DNAJC6: variants seen among roughly 807,000 people sequenced by gnomAD.
DNAJC6 encodes DnaJ heat shock protein family (Hsp40) member C6.
Under a neutral mutation model 110.0 loss-of-function variants are expected in DNAJC6, and 34 were observed. The ratio of observed to expected loss-of-function variants is 0.31; its 90% CI spans 0.24 to 0.41. DNAJC6 has a LOEUF of 0.41. DNAJC6 is among the 10% of genes least tolerant of loss of function. The pLI is 1.00. For synonymous variants in DNAJC6, 406 were observed against 437.2 expected (o/e 0.93, Z 0.89); for missense variants, 1,031 against 1,207.8 (o/e 0.85, Z 2.17).
chr1:65,408,795 C>T lies in DNAJC6; in HGVS notation c.2634+12C>T. On this transcript the variant is annotated intron_variant, in intron 17 of 18. Transcript: ENST00000371069. ...CTGAGAAATTAAAGGTGAGTGAGGC[C>T]CCTGACGCAGCTTGATTATCCTATA... 6.2e-7 allele frequency: 1 copy of T among 1,610,630 alleles called. No homozygotes were observed. Among genetic ancestry groups the T allele is most frequent in the Non-Finnish European group, 8.5e-7 (1 of 1,179,064 alleles).
chr1:65,284,766 G>A (rs1463650047), intron 1 of DNAJC6, among the ~76,000 whole-genome samples: 1 of 151,254 alleles, frequency 6.6e-6, no homozygotes, highest in Admixed American at 6.6e-5. Flanking sequence ...TCGGCTCACT[G>A]CAACCTCTGC....
At chr1:65,336,362 T>C (rs1645337044) in intron 1 of DNAJC6, among the ~76,000 whole-genome samples, 1 of 152,002 alleles carries the variant, frequency 6.6e-6, no homozygotes, top group African/African-American at 2.4e-5. Flanking sequence ...CCACAACACA[T>C]GGGGATTATC....
chr1:65,344,720 G>A lies in DNAJC6; in HGVS notation c.194-19915G>A, dbSNP rs559748110. Among the ~76,000 whole-genome samples the A allele has an allele frequency of 1.8e-3, 267 of 152,198 alleles. 3 individuals carry two copies. The highest frequency in any genetic ancestry group is 5.7e-3 in the African/African-American group (238 of 41,538). On this transcript the variant is annotated intron_variant, in intron 1 of 18. Coordinates refer to ENST00000371069, the MANE Select transcript of DNAJC6 (RefSeq NM_001256864.2). ...GATTTCCACTGTCATGATTTACAGC[G>A]AAATCCAGCCAATCTTGTCAGGATT...
At chr1:65,276,162 G>C (rs1183374580) in intron 1 of DNAJC6, among the ~76,000 whole-genome samples, 1 of 152,172 alleles carries the variant, frequency 6.6e-6, no homozygotes, top group African/African-American at 2.4e-5. Flanking sequence ...GATTATAGGC[G>C]TGGGCCACCG....
chr1:65,278,565 C>G (rs956589088), intron 1 of DNAJC6, among the ~76,000 whole-genome samples: 1 of 152,158 alleles, frequency 6.6e-6, no homozygotes, highest in African/African-American at 2.4e-5. Flanking sequence ...GTTTTTAAAC[C>G]AGTTTGTGAA....
intron 1 of DNAJC6, among the ~76,000 whole-genome samples, chr1:65,356,082 C>G (rs1209953319): frequency 6.6e-6 from 1 of 152,028 alleles, no homozygotes; most frequent in Non-Finnish European, 1.5e-5. Context: ...CTGAAGCTGA[C>G]ATAAAGCCTG....
chr1:65,384,476 G>A (rs1645851748), intron 6 of DNAJC6, 150 bp downstream of exon 6: 1 of 766,738 alleles, frequency 1.3e-6, no homozygotes, highest in African/African-American at 1.8e-5. Flanking sequence ...AACTACTTGA[G>A]ACTGGGTAAT....
chr1:65,272,904 GT>G (rs541349381), intron 1 of DNAJC6, among the ~76,000 whole-genome samples: 1 of 152,022 alleles, frequency 6.6e-6, no homozygotes, highest in Non-Finnish European at 1.5e-5. Context: ...AATAAATTCT[GT>G]TTTTTTAGGA....
At chr1:65,341,452 G>A (rs1645388791) in intron 1 of DNAJC6, among the ~76,000 whole-genome samples, 1 of 152,100 alleles carries the variant, frequency 6.6e-6, no homozygotes, top group South Asian at 2.1e-4. Flanking sequence ...TGTGTTACCT[G>A]GGATCTAAAA....
intron 1 of DNAJC6, among the ~76,000 whole-genome samples, chr1:65,340,140 G>A (rs1645375382): frequency 6.6e-6 from 1 of 152,208 alleles, no homozygotes; most frequent in South Asian, 2.1e-4. Context: ...CTGGTATTTG[G>A]AACTTGAACT....
chr1:65,385,768 A>C lies in DNAJC6; in HGVS notation c.857A>C (p.Lys286Thr). ...LADKPYRPHF[K>T]PLTIKSITVS... ...GACAAGCCCTACCGCCCTCACTTCA[A>C]GCCTCTCACAATTAAGTCGATCACT... Residue 286 changes from lysine (K) to threonine (T), a missense_variant, in exon 7 of 19, where the codon AAG becomes ACG. Coordinates refer to ENST00000371069, the MANE Select transcript of DNAJC6 (RefSeq NM_001256864.2). The C allele has an allele frequency of 1.2e-6, 2 of 1,614,004 alleles. No individual in the cohort carries two copies. The highest frequency in any genetic ancestry group is 1.7e-6 in the Non-Finnish European group (2 of 1,179,898).
chr1:65,391,074 G>A (rs1645921480), intron 11 of DNAJC6, among the ~76,000 whole-genome samples: 2 of 152,152 alleles, frequency 1.3e-5, no homozygotes, highest in African/African-American at 4.8e-5. Flanking sequence ...TTGGATTTTA[G>A]AAGGATGATA....
chr1:65,397,816 TTAA>T (rs1177784603), intron 13 of DNAJC6, among the ~76,000 whole-genome samples: 2 of 152,282 alleles, frequency 1.3e-5, no homozygotes, highest in South Asian at 2.1e-4. Flanking sequence ...CCTTTTTAAC[TTAA>T]TGATGGGAAG....
rs763100096 is a variant in DNAJC6 at position 65,415,318 on chromosome 1, A to G, written c.*2293A>G. 2.0e-5 allele frequency: 3 copies of G among 152,214 alleles called. No individual in the cohort carries two copies. Among genetic ancestry groups the G allele is most frequent in the South Asian group, 2.1e-4 (1 of 4,828 alleles). The allele number at this position is 152,214 out of a possible 1,614,324, so 9.4% of individuals were successfully genotyped here. On this transcript the variant is annotated 3_prime_UTR_variant, in exon 19 of 19. Transcript: ENST00000371069. ...TTATTTGGGTACTTGTAGGAATACAATGAGGAGCTTGAATGCCACCTTCTG... is the reference window on the plus strand; with the variant it reads ...TTATTTGGGTACTTGTAGGAATACAGTGAGGAGCTTGAATGCCACCTTCTG...
In DNAJC6 at chr1:65,379,487, T is replaced by C. The variant is rs763124749; in HGVS notation, c.629T>C (p.Leu210Pro). The C allele has an allele frequency of 6.2e-7, 1 of 1,614,144 alleles. No homozygotes were observed. The change falls in exon 5 of 19, where the codon CTG becomes CCG. Residue 210 changes from leucine to proline, a missense_variant. Transcript: ENST00000371069. ...TGTCGGAATATGTATAACTGGCTAC[T>C]GCAGAATCCCAAAAATGTCTGTGTT... ...AVCRNMYNWL[L>P]QNPKNVCVVH... is the part of the protein sequence containing the mutation.
chr1:65,284,078 C>T (rs1165225688), intron 1 of DNAJC6, among the ~76,000 whole-genome samples: 1 of 152,110 alleles, frequency 6.6e-6, no homozygotes, highest in Non-Finnish European at 1.5e-5. Context: ...TATCTCAATC[C>T]TGCCATCTTC....
chr1:65,328,937 G>A (rs1645264296), intron 1 of DNAJC6, among the ~76,000 whole-genome samples: 1 of 152,216 alleles, frequency 6.6e-6, no homozygotes, highest in Non-Finnish European at 1.5e-5. Flanking sequence ...GGAAACTCTT[G>A]TCTGACCTTC....
Position 65,406,089 on chromosome 1 carries a change from T to C in DNAJC6, c.2447T>C (p.Met816Thr). 1 of 1,614,194 alleles carries C rather than the reference T, an allele frequency of 6.2e-7. No individual in the cohort carries two copies. The highest frequency in any genetic ancestry group is 8.5e-7 in the Non-Finnish European group (1 of 1,180,034). The change falls in exon 16 of 19, where the codon ATG becomes ACG. Residue 816 changes from methionine (M) to threonine (T), a missense_variant. Coordinates refer to ENST00000371069, the MANE Select transcript of DNAJC6 (RefSeq NM_001256864.2). The stretch of plus-strand genomic sequence containing the variant: ...AACTACAACGTGAGCTTCTCAGCCA[T>C]GCCTGGGGGCCAGAACGAACGTGGG... ...RPNYNVSFSA[M>T]PGGQNERGKG... is the part of the protein sequence containing the mutation.
intron 1 of DNAJC6, among the ~76,000 whole-genome samples, chr1:65,304,060 G>T (rs1645014839): frequency 6.6e-6 from 1 of 152,070 alleles, no homozygotes; most frequent in Non-Finnish European, 1.5e-5. Flanking sequence ...CTCCAAGTCT[G>T]CCTCAAAATA....
Sources: gnomAD v4.1 joint callset for allele counts (sites outside exome capture counted in the v4.1 genomes callset) on GRCh38, gnomAD v4.1.1 for gene constraint, MANE v1.5 for transcripts, NCBI Gene and HGNC (gene_info 2026-07-23, HGNC 2026-07-21) for gene names.